RPL7A: variants seen among roughly 807,000 people sequenced by gnomAD.
RPL7A encodes ribosomal protein L7a, also known as large ribosomal subunit protein eL8.
For missense variants in RPL7A, 291 were observed against 338.2 expected, an observed-to-expected ratio of 0.86 and a Z score of 1.09; for synonymous variants, 158 against 128.2, an observed-to-expected ratio of 1.23 and a Z score of -1.57.
chr9:133,349,245 T>C (rs1588684306), intron 2 of RPL7A: 2 of 745,308 alleles, frequency 2.7e-6, no homozygotes, highest in Non-Finnish European at 4.6e-6. Flanking sequence ...AATATGGTAG[T>C]GGCCTTGAAT....
intron 2 of RPL7A, 93 bp from the exon 3 acceptor site, chr9:133,349,458 G>C: frequency 6.7e-7 from 1 of 1,481,488 alleles, no homozygotes; most frequent in Non-Finnish European, 9.4e-7. Context: ...AAACCACCAA[G>C]ATCGCTGATG....
At chr9:133,350,355 C>CT in intron 5 of RPL7A, 36 bp downstream of exon 5, 1 of 1,607,840 alleles carries the variant, frequency 6.2e-7, no homozygotes, top group Non-Finnish European at 8.5e-7. Flanking sequence ...CCAAGGGCTT[C>CT]TGGCAGTACC....
At chr9:133,350,082 T>TG (rs1836347778) in intron 4 of RPL7A, 30 bp downstream of exon 4, 2 of 1,613,760 alleles carry the variant, frequency 1.2e-6, no homozygotes, top group Admixed American at 1.7e-5. Flanking sequence ...GGGTGAACAC[T>TG]GGGGGCGGGC....
intron 3 of RPL7A, 44 bp from the exon 4 acceptor site, chr9:133,349,868 T>TTAG: frequency 6.2e-7 from 1 of 1,606,488 alleles, no homozygotes; most frequent in East Asian, 2.2e-5. Flanking sequence ...GTGACAAGGA[T>TTAG]TAGAACCTTG....
At chr9:133,349,812 A>G (rs2129988791) in intron 3 of RPL7A, 100 bp from the exon 4 acceptor site, 13 of 1,579,534 alleles carry the variant, frequency 8.2e-6, no homozygotes, top group African/African-American at 1.4e-5. Flanking sequence ...ATTAAATTAT[A>G]GTCATATAGC....
intron 1 of RPL7A, 180 bp from the exon 2 acceptor site, chr9:133,348,742 G>A (rs1447031634): frequency 1.1e-6 from 1 of 921,236 alleles, no homozygotes; most frequent in African/African-American, 1.6e-5. Flanking sequence ...GCATGCTTGT[G>A]CGGCTGAATG....
intron 7 of RPL7A, 65 bp downstream of exon 7, chr9:133,351,136 C>G: frequency 1.3e-6 from 2 of 1,576,336 alleles, no homozygotes; most frequent in Non-Finnish European, 8.7e-7. Flanking sequence ...AACTGGCTGG[C>G]TTAACCTATG....
At chr9:133,349,133 G>T (rs1012707981) in intron 2 of RPL7A, 91 bp downstream of exon 2, 27 of 1,453,306 alleles carry the variant, frequency 1.9e-5, no homozygotes, top group Middle Eastern at 1.8e-4. Context: ...GGTTTTAGTG[G>T]GTGTAAAGTG....
intron 2 of RPL7A, 31 bp downstream of exon 2, chr9:133,349,073 CTATG>C (rs2129983299): frequency 1.2e-6 from 2 of 1,609,050 alleles, no homozygotes; most frequent in Non-Finnish European, 1.7e-6. Context: ...TGAAAACGGT[CTATG>C]TTTTTCTCAA....
At chr9:133,349,752 C>T in intron 3 of RPL7A, 52 bp downstream of exon 3, 1 of 1,605,538 alleles carries the variant, frequency 6.2e-7, no homozygotes, top group South Asian at 1.1e-5. Context: ...TTCCTTATTT[C>T]ATCCAGAACA....
At chr9:133,350,364 C>G (rs2129993082) in intron 5 of RPL7A, 45 bp downstream of exon 5, 4 of 1,599,562 alleles carry the variant, frequency 2.5e-6, no homozygotes, top group Non-Finnish European at 2.6e-6. Context: ...TCTGGCAGTA[C>G]CAGGAAGAGA....
At chr9:133,348,588 C>A (rs2129979383) in intron 1 of RPL7A, 4 of 598,504 alleles carry the variant, frequency 6.7e-6, no homozygotes, top group African/African-American at 5.6e-5. Flanking sequence ...GCGACGAGTT[C>A]TGAGCCCGCC....
In RPL7A at chr9:133,350,294, T is replaced by C. The variant is rs1324545640; in HGVS notation, c.470T>C (p.Ile157Thr). The change falls in exon 5 of 8, where the codon ATT becomes ACT. Residue 157 changes from isoleucine (I) to threonine (T), a missense_variant. Physicochemically the swap from Ile to Thr is moderately conservative, Grantham distance 89. Coordinates refer to ENST00000323345, the MANE Select transcript of RPL7A (RefSeq NM_000972.3). Reference sequence around the variant, plus strand: ...AACAAGAAAGCTCAGCTGGTGGTGATTGCACACGACGTGGATCCCATCGAG... The same window carrying C: ...AACAAGAAAGCTCAGCTGGTGGTGACTGCACACGACGTGGATCCCATCGAG... Reference protein sequence around the residue: ...VENKKAQLVVIAHDVDPIELV... With the variant: ...VENKKAQLVVTAHDVDPIELV... 3 of 1,613,818 alleles carry C rather than the reference T, an allele frequency of 1.9e-6. No homozygotes were observed. The highest frequency in any genetic ancestry group is 1.7e-5 in the Admixed American group (1 of 59,980).
rs2129995611 is a variant in RPL7A at position 133,350,720 on chromosome 9, G to T, written c.619G>T (p.Val207Leu). ...CTGCACCACTGTCGCCTTCACACAG[G>T]TGAACTCGTAAGTACACAGCCTGGC... The part of the protein sequence containing the change: ...KTCTTVAFTQ[V>L]NSEDKGALAK... The change falls in exon 6 of 8, where the codon GTG becomes TTG. Residue 207 changes from valine (V) to leucine (L), a missense_variant. By Grantham distance (32) the Val-to-Leu change is conservative. Transcript: ENST00000323345. 5.0e-6 allele frequency: 8 copies of T among 1,613,770 alleles called. No individual in the cohort carries two copies. Among genetic ancestry groups the T allele is most frequent in the Non-Finnish European group, 6.8e-6 (8 of 1,179,816 alleles).
At chr9:133,348,474 C>CGGTGTCGCAGGGCTG (rs1383779279) in intron 1 of RPL7A, 13 of 633,096 alleles carry the variant, frequency 2.1e-5, no homozygotes, top group East Asian at 2.7e-5. Flanking sequence ...GCGTTGTTCC[C>CGGTGTCGCAGGGCTG]GGTGTCGCAG....
chr9:133,349,117 C>T (rs2129983587), intron 2 of RPL7A, 75 bp downstream of exon 2: 6 of 1,570,434 alleles, frequency 3.8e-6, no homozygotes, highest in African/African-American at 1.4e-5. Context: ...TGTGTTGTAT[C>T]TTGTAGGTTT....
chr9:133,348,564 C>T (rs1836281523), intron 1 of RPL7A: 1 of 596,812 alleles, frequency 1.7e-6, no homozygotes, highest in Non-Finnish European at 3.0e-6. Context: ...GGGGCCGCTC[C>T]AGAGGCCTTG....
chr9:133,350,205 CCT>C (rs2129992102), intron 4 of RPL7A, 33 bp from the exon 5 acceptor site: 1 of 1,611,204 alleles, frequency 6.2e-7, no homozygotes, highest in African/African-American at 1.3e-5. Flanking sequence ...TAGAGCAGGC[CCT>C]GTGAGTGCTC....
At position 133,351,291 on chromosome 9, in the gene RPL7A, G is replaced by A. The variant is rs2129999083; in HGVS notation, c.726G>A (p.Leu242=). The A allele has an allele frequency of 5.0e-6, 8 of 1,613,978 alleles. No homozygotes were observed. The South Asian group carries it at 6.6e-5, about 13-fold the overall frequency. ...GCCGTCACTGGGGTGGCAATGTCCT[G>A]GGTCCTAAGTCTGTGGCTCGTATCG... ...EIRRHWGGNV[L]GPKSVARIAK... The change falls in exon 8 of 8, where the codon CTG becomes CTA. Residue 242 remains leucine (L), a synonymous_variant. Coordinates refer to ENST00000323345, the MANE Select transcript of RPL7A (RefSeq NM_000972.3).
Sources: gnomAD v4.1 joint callset for allele counts on GRCh38, gnomAD v4.1.1 for gene constraint, MANE v1.5 for transcripts, NCBI Gene and HGNC (gene_info 2026-07-23, HGNC 2026-07-21) for gene names.